LRP5: variants seen among roughly 807,000 people sequenced by gnomAD.
LRP5 encodes low-density lipoprotein receptor-related protein 5.
Under a neutral mutation model 154.1 loss-of-function variants are expected in LRP5, and 62 were observed. The observed-to-expected ratio is 0.40, with a 90% CI of 0.33 to 0.50. The LOEUF is 0.50. Ranked by LOEUF, LRP5 falls within the 20% of genes least tolerant of loss-of-function variation. The pLI, the probability that LRP5 is intolerant of heterozygous loss-of-function variation, is 0.55. For missense variants in LRP5, 1,915 were observed against 2,336.7 expected (o/e 0.82, Z 3.72); for synonymous variants, 966 against 1,011.5 (o/e 0.96, Z 0.85).
chr11:68,431,278 C>T (rs1188376888), intron 17 of LRP5, among the ~76,000 whole-genome samples: 1 of 105,176 alleles, frequency 9.5e-6, no homozygotes, highest in African/African-American at 3.7e-5. Flanking sequence ...TCGCTTTTTT[C>T]GCGCAGGCTG....
rs142452832 is a variant in LRP5, at chr11:68,409,484, G to GA, written c.2092-430_2092-429insA. Among the ~76,000 whole-genome samples, 934 of 151,666 alleles carry GA rather than the reference G, an allele frequency of 6.2e-3. 14 individuals are homozygous for GA. The highest frequency in any genetic ancestry group is 0.022 in the African/African-American group (894 of 41,322). On this transcript the variant is annotated intron_variant, in intron 9 of 22. Transcript: ENST00000294304. The stretch of plus-strand genomic sequence containing the variant: ...CATTCATTTAAAAACTTGAATGCTG[G>GA]TGATCTGGTCCAGAATGTGTTCAGT...
intron 2 of LRP5, among the ~76,000 whole-genome samples, chr11:68,356,843 A>T (rs1291674496): frequency 6.6e-6 from 1 of 152,116 alleles, no homozygotes; most frequent in Non-Finnish European, 1.5e-5. Flanking sequence ...GAGTGTTTAG[A>T]ACTGGACTCA....
At chr11:68,306,668 CT>C in the LRP5 span, among the ~76,000 whole-genome samples, 1 of 152,232 alleles carries the variant, frequency 6.6e-6, no homozygotes, top group Non-Finnish European at 1.5e-5. Flanking sequence ...AGAATGAAGC[CT>C]GAATGTCAAC....
intron 13 of LRP5, 77 bp downstream of exon 13, chr11:68,416,604 G>A: frequency 7.2e-7 from 1 of 1,380,956 alleles, no homozygotes. Flanking sequence ...TGCTGCCCCT[G>A]TCCTTAGCAG....
chr11:68,420,724 C>T (rs943430899), intron 13 of LRP5, among the ~76,000 whole-genome samples: 8 of 151,726 alleles, frequency 5.3e-5, no homozygotes, highest in East Asian at 1.9e-4. Context: ...AAAAAATCAT[C>T]GGATGGATGG....
At chr11:68,311,176 G>A (rs1451264155), upstream of LRP5, among the ~76,000 whole-genome samples, 1 of 152,186 alleles carries the variant, frequency 6.6e-6, no homozygotes, top group African/African-American at 2.4e-5. Context: ...GGTGGAAGAA[G>A]GGAAAATATT....
intron 11 of LRP5, among the ~76,000 whole-genome samples, chr11:68,412,491 A>T (rs959049496): frequency 2.0e-5 from 3 of 152,044 alleles, no homozygotes; most frequent in African/African-American, 4.8e-5. Flanking sequence ...AAAATTTTTT[A>T]AAAATTAGCT....
chr11:68,391,718 C>T (rs1434829156), intron 7 of LRP5, among the ~76,000 whole-genome samples: 3 of 152,234 alleles, frequency 2.0e-5, no homozygotes, highest in Non-Finnish European at 4.4e-5. Flanking sequence ...TTTGGCAAGG[C>T]CCATGTTTGC....
chr11:68,446,654 G>A (rs2098681594), intron 22 of LRP5, 121 bp downstream of exon 22: 2 of 844,140 alleles, frequency 2.4e-6, no homozygotes, highest in South Asian at 2.8e-5. Context: ...CAGGTGCCGG[G>A]CCCAGCCCTG....
rs542785764 is a variant in LRP5, at chr11:68,429,806, C to T, written c.3763+106C>T. The T allele has an allele frequency of 2.3e-5, 34 of 1,460,844 alleles. No individual in the cohort carries two copies. In the African/African-American group the frequency reaches 4.3e-4, roughly 18 times the overall value. 90.5% of individuals were successfully genotyped at this position (1,460,844 alleles called of 1,614,324 possible). A position where few individuals can be genotyped will look rare whatever the true frequency, so the allele number is the denominator to read the frequency against. On this transcript the variant is annotated intron_variant, in intron 17 of 22. Transcript: ENST00000294304. ...TTTAAAATCACAGTCCCTGTGGCATCCAGTTTCCAAAGCTGATTGTGTCTT... is the reference window on the plus strand; with the variant it reads ...TTTAAAATCACAGTCCCTGTGGCATTCAGTTTCCAAAGCTGATTGTGTCTT...
At chr11:68,443,571 ATATATATATATATATTTTTT>A (rs1405195225) in intron 21 of LRP5, among the ~76,000 whole-genome samples, 4 of 42,672 alleles carry the variant, frequency 9.4e-5, no homozygotes, top group Middle Eastern at 0.01. Flanking sequence ...ATATATATAT[ATATATATATATATATTTTTT>A]TTTTTTTTGG....
rs1384430228 is a variant in LRP5 at position 68,386,176 on chromosome 11, T to C, written c.1016-140T>C. On this transcript the variant is annotated intron_variant, in intron 5 of 22. Transcript: ENST00000294304. This position sits in a 1 kb window ranked among gnomAD's most constrained non-coding sequence, Gnocchi z 7.9. ...GACCATGTAGCATGGGCTGGGTGCG[T>C]GTCACCTAACATCACCAGCCTTTGC... 7 of 977,148 alleles carry C rather than the reference T, an allele frequency of 7.2e-6. No homozygotes were observed. The highest frequency in any genetic ancestry group is 3.0e-4 in the Middle Eastern group (1 of 3,284). The allele number at this position is 977,148 out of a possible 1,614,324, so 60.5% of individuals were successfully genotyped here.
At position 68,386,765 on chromosome 11, in the gene LRP5, G is replaced by A. The variant is rs1352193639; in HGVS notation, c.1412+53G>A. 1.0e-5 allele frequency: 16 copies of A among 1,575,104 alleles called. No individual in the cohort carries two copies. Among genetic ancestry groups the A allele is most frequent in the South Asian group, 6.8e-5 (6 of 88,604 alleles). ...AGCCAGGGCCAGGCCAAGCACAGGC[G>A]AGAGGGAGATTGACCTGGACCTGTC... On this transcript the variant is annotated intron_variant, in intron 6 of 22. Coordinates refer to ENST00000294304, the MANE Select transcript of LRP5 (RefSeq NM_002335.4). This position sits in a 1 kb window ranked among gnomAD's most constrained non-coding sequence, Gnocchi z 7.9.
Position 68,449,106 on chromosome 11 carries a change from G to A in LRP5, c.*36G>A. 1 of 1,466,822 alleles carries A rather than the reference G, an allele frequency of 6.8e-7. No individual in the cohort carries two copies. 90.9% of individuals were successfully genotyped at this position (1,466,822 alleles called of 1,614,324 possible). ...GCCACTCTGGCTTCTCTGTGCCCCTGTAAATAGTTTTAAATATGAACAAAG... is the reference window on the plus strand; with the variant it reads ...GCCACTCTGGCTTCTCTGTGCCCCTATAAATAGTTTTAAATATGAACAAAG... On this transcript the variant is annotated 3_prime_UTR_variant, in exon 23 of 23. Coordinates refer to ENST00000294304, the MANE Select transcript of LRP5 (RefSeq NM_002335.4).
the LRP5 span, among the ~76,000 whole-genome samples, chr11:68,305,746 G>A: frequency 6.6e-6 from 1 of 152,106 alleles, no homozygotes; most frequent in African/African-American, 2.4e-5. Flanking sequence ...CCCGGCCTCA[G>A]GTATTTCTTT....
chr11:68,372,510 A>T (rs1187847247), intron 5 of LRP5, among the ~76,000 whole-genome samples: 4 of 87,644 alleles, frequency 4.6e-5, no homozygotes, highest in Non-Finnish European at 9.1e-5. Flanking sequence ...GACTTGGAGC[A>T]CCTAGTTCCA....
chr11:68,389,316 A>G (rs1347470918), intron 6 of LRP5, among the ~76,000 whole-genome samples: 1 of 152,168 alleles, frequency 6.6e-6, no homozygotes, highest in Admixed American at 6.5e-5. Flanking sequence ...ATTTACTGAC[A>G]CTGACATCTA....
At chr11:68,306,375 A>T in the LRP5 span, among the ~76,000 whole-genome samples, 1 of 152,246 alleles carries the variant, frequency 6.6e-6, no homozygotes, top group Admixed American at 6.5e-5. Context: ...ACCTTAGGTG[A>T]TCCACCCACC....
Position 68,437,677 on chromosome 11 carries a change from G to C in LRP5, c.4111+678G>C, listed in dbSNP as rs540131971. 6.4e-4 allele frequency among the ~76,000 whole-genome samples: 97 copies of C among 152,338 alleles called. 1 individual carries two copies. Among genetic ancestry groups the C allele is most frequent in the Non-Finnish European group, 1.1e-3 (74 of 68,022 alleles). On this transcript the variant is annotated intron_variant, in intron 19 of 22. Transcript: ENST00000294304. ...CTGCAGTCGGGAGAGAAGTCTGTTG[G>C]GGGGAGAAGGGGGCTTCCTCAAGGG...
Sources: gnomAD v4.1 joint callset for allele counts (sites outside exome capture counted in the v4.1 genomes callset) on GRCh38, gnomAD v4.1.1 for gene constraint, Gnocchi (gnomAD v3.1) non-coding constraint, MANE v1.5 for transcripts, NCBI Gene and HGNC (gene_info 2026-07-23, HGNC 2026-07-21) for gene names.